SUPT3H: variants seen among roughly 807,000 people sequenced by gnomAD.
SUPT3H encodes SPT3 homolog, SAGA and STAGA complex component.
In SUPT3H, 44 loss-of-function variants were observed where a neutral mutation model predicts 44.3. The observed-to-expected ratio is 0.99, with a 90% CI of 0.78 to 1.28. The LOEUF is 1.28. Among genes scored for constraint, SUPT3H ranks in the 50% most tolerant of loss-of-function variants. The pLI is 0.00. For missense variants in SUPT3H, 380 were observed against 387.1 expected, an observed-to-expected ratio of 0.98 and a Z score of 0.15; for synonymous variants, 124 against 125.6, an observed-to-expected ratio of 0.99 and a Z score of 0.09.
At chr6:45,323,170 C>T (rs1328808446) in intron 2 of SUPT3H, among the ~76,000 whole-genome samples, 4 of 152,102 alleles carry the variant, frequency 2.6e-5, no homozygotes, top group African/African-American at 9.7e-5. Flanking sequence ...TCTATTCTTC[C>T]TCTAACTAAA....
chr6:45,126,456 C>A (rs540463614), intron 2 of SUPT3H, among the ~76,000 whole-genome samples: 39 of 152,258 alleles, frequency 2.6e-4, no homozygotes, highest in African/African-American at 8.7e-4. Context: ...TAATGAGAAC[C>A]AGTGCCAGTG....
intron 2 of SUPT3H, among the ~76,000 whole-genome samples, chr6:45,317,956 A>T (rs1415778332): frequency 2.6e-5 from 4 of 152,160 alleles, no homozygotes; most frequent in Admixed American, 6.6e-5. Flanking sequence ...AAAGGGGTTA[A>T]TATCTAAAAT....
chr6:45,251,395 G>GCGCACA (rs1772350411), intron 2 of SUPT3H, among the ~76,000 whole-genome samples: 2 of 144,860 alleles, frequency 1.4e-5, no homozygotes, highest in South Asian at 4.5e-4. Flanking sequence ...AAGAGAAGCT[G>GCGCACA]CACACACACA....
intron 2 of SUPT3H, among the ~76,000 whole-genome samples, chr6:45,219,046 A>G (rs1342316508): frequency 6.6e-6 from 1 of 152,194 alleles, no homozygotes; most frequent in African/African-American, 2.4e-5. Context: ...TCTAAAACTC[A>G]TAAAACTGAA....
intron 2 of SUPT3H, among the ~76,000 whole-genome samples, chr6:45,310,323 C>A (rs920836831): frequency 1.3e-5 from 2 of 152,226 alleles, no homozygotes; most frequent in East Asian, 3.9e-4. Flanking sequence ...CCCATCCCCA[C>A]CTGACAGGAT....
intron 4 of SUPT3H, among the ~76,000 whole-genome samples, chr6:45,018,743 G>T (rs559092009): frequency 4.4e-4 from 67 of 152,128 alleles, no homozygotes; most frequent in Middle Eastern, 3.4e-3. Context: ...GCTGGATTCA[G>T]TTTGCCAGTA....
At chr6:45,325,862 A>G (rs760202066) in intron 2 of SUPT3H, among the ~76,000 whole-genome samples, 1 of 151,916 alleles carries the variant, frequency 6.6e-6, no homozygotes, top group African/African-American at 2.4e-5. Context: ...ACAACAAAGT[A>G]ATATTTGCTC....
At chr6:44,888,071 G>T (rs561345874) in intron 10 of SUPT3H, among the ~76,000 whole-genome samples, 11 of 152,276 alleles carry the variant, frequency 7.2e-5, no homozygotes, top group South Asian at 6.2e-4. Flanking sequence ...CCAGGAAGAA[G>T]TTGAATCTCT....
chr6:45,038,700 A>G lies in SUPT3H; in HGVS notation c.187-18068T>C, dbSNP rs917138692. ...TTTTTTTTAATAACATTAGGAGAAA[A>G]CTATTTTTCAATATAAACAAGGCAA... On this transcript the variant is annotated intron_variant, in intron 3 of 10. Coordinates refer to ENST00000371459, the MANE Select transcript of SUPT3H (RefSeq NM_003599.4). 3.3e-5 allele frequency among the ~76,000 whole-genome samples: 5 copies of G among 152,100 alleles called. No individual in the cohort carries two copies. In the East Asian group the frequency reaches 9.6e-4, roughly 29 times the overall value.
chr6:45,105,853 G>C, intron 3 of SUPT3H, 69 bp downstream of exon 3: 2 of 1,209,700 alleles, frequency 1.7e-6, no homozygotes, highest in Non-Finnish European at 2.4e-6. Context: ...TGTTTTTAAA[G>C]TGTTGGGTTA....
chr6:44,844,321 T>C (rs915685874), intron 10 of SUPT3H, among the ~76,000 whole-genome samples: 1 of 152,160 alleles, frequency 6.6e-6, no homozygotes, highest in African/African-American at 2.4e-5. Context: ...TGTGCCCTTA[T>C]AAGCAAAGCT....
At chr6:45,287,422 C>T (rs1779505399) in intron 2 of SUPT3H, among the ~76,000 whole-genome samples, 1 of 151,960 alleles carries the variant, frequency 6.6e-6, no homozygotes, top group African/African-American at 2.4e-5. Context: ...GGCATTTAGC[C>T]TTAAAAAGAA....
At chr6:45,288,583 GTATATATATA>G (rs1261356182) in intron 2 of SUPT3H, among the ~76,000 whole-genome samples, 4,039 of 87,310 alleles carry the variant, frequency 0.046, 137 homozygotes, top group East Asian at 0.071. Context: ...ATATATATAT[GTATATATATA>G]TATGTGTATA....
At chr6:45,286,675 T>A (rs1340697329) in intron 2 of SUPT3H, among the ~76,000 whole-genome samples, 2 of 152,148 alleles carry the variant, frequency 1.3e-5, no homozygotes, top group African/African-American at 2.4e-5. Context: ...ATTGTGGAAG[T>A]CAGTGTGGCG....
At chr6:45,262,271 T>G (rs1040155618) in intron 2 of SUPT3H, among the ~76,000 whole-genome samples, 1 of 151,608 alleles carries the variant, frequency 6.6e-6, no homozygotes, top group Non-Finnish European at 1.5e-5. Flanking sequence ...GCCAAAGCAA[T>G]TCTAAGCAAA....
intron 1 of SUPT3H, among the ~76,000 whole-genome samples, chr6:45,366,242 A>C (rs1388668254): frequency 6.6e-6 from 1 of 152,228 alleles, no homozygotes; most frequent in East Asian, 1.9e-4. Context: ...AGCAGTGCAG[A>C]GGACTTTCAG....
In SUPT3H at chr6:45,014,796, G is replaced by T; in HGVS notation, c.364+5C>A. The T allele has an allele frequency of 6.4e-7, 1 of 1,565,580 alleles. No homozygotes were observed. On this transcript the variant is annotated splice_donor_5th_base_variant and intron_variant, in intron 5 of 10. Coordinates refer to ENST00000371459, the MANE Select transcript of SUPT3H (RefSeq NM_003599.4). Reference sequence around the variant, plus strand: ...TGTTTTAGTTTTGTGTTTTGTTTTGGTTACCTTCGAGAAGATCATCCTCAT... The same window carrying T: ...TGTTTTAGTTTTGTGTTTTGTTTTGTTTACCTTCGAGAAGATCATCCTCAT...
intron 3 of SUPT3H, among the ~76,000 whole-genome samples, chr6:45,085,053 C>T (rs1459826733): frequency 2.0e-5 from 3 of 152,014 alleles, no homozygotes; most frequent in Non-Finnish European, 2.9e-5. Flanking sequence ...TATCCCAAAC[C>T]TCAGTGTCAC....
At chr6:44,882,577 A>C (rs1778420294) in intron 10 of SUPT3H, among the ~76,000 whole-genome samples, 1 of 152,202 alleles carries the variant, frequency 6.6e-6, no homozygotes, top group Non-Finnish European at 1.5e-5. Context: ...GAAGAGACAC[A>C]ACAAATAAAG....
Sources: allele counts gnomAD v4.1 joint callset (sites outside exome capture counted in the v4.1 genomes callset), GRCh38; gene constraint gnomAD v4.1.1; transcripts MANE v1.5; gene names NCBI Gene and HGNC (gene_info 2026-07-23, HGNC 2026-07-21).